Variants in THSD4 observed in about 807,000 individuals in gnomAD.
THSD4 encodes the protein thrombospondin type-1 domain-containing protein 4.
THSD4 carries 69 observed loss-of-function variants against 119.0 expected under a neutral mutation model. The observed-to-expected ratio is 0.58, with a 90% CI of 0.48 to 0.71. The LOEUF (loss-of-function observed/expected upper bound fraction) is 0.71. THSD4 is among the 30% of genes least tolerant of loss of function. The pLI, the probability that THSD4 is intolerant of heterozygous loss-of-function variation, is 0.00. For missense variants in THSD4, 1,393 were observed against 1,391.1 expected, an observed-to-expected ratio of 1.00 and a Z score of -0.02; for synonymous variants, 524 against 540.4, an observed-to-expected ratio of 0.97 and a Z score of 0.42.
At chr15:71,411,939 C>G in intron 7 of THSD4, 116 bp downstream of exon 7, 3 of 1,360,628 alleles carry the variant, frequency 2.2e-6, no homozygotes, top group South Asian at 2.7e-5. Flanking sequence ...GTCAGGGCCA[C>G]TCAACCATGC....
intron 17 of THSD4, among the ~76,000 whole-genome samples, chr15:71,772,754 A>T (rs1450213277): frequency 2.0e-5 from 3 of 152,206 alleles, no homozygotes; most frequent in Non-Finnish European, 2.9e-5. Flanking sequence ...TTTATAAAGG[A>T]AAGTTAAGTT....
At chr15:71,111,927 G>T (rs2040308087), upstream of THSD4, 1 of 588,842 alleles carries the variant, frequency 1.7e-6, no homozygotes, top group Admixed American at 3.3e-5. Context: ...ATACATTTGG[G>T]ACACTCTGCA....
chr15:71,608,396 A>G lies in THSD4; in HGVS notation c.1153-52134A>G, dbSNP rs1937792206. Among the ~76,000 whole-genome samples the G allele has an allele frequency of 2.6e-5, 4 of 152,156 alleles. No individual in the cohort carries two copies. In the South Asian group the frequency reaches 6.2e-4, roughly 24 times the overall value. On this transcript the variant is annotated intron_variant, in intron 7 of 17. Coordinates refer to ENST00000261862, the MANE Select transcript of THSD4 (RefSeq NM_024817.3). ...ATAAATTCTCTACCATCCTTTCATT[A>G]CTTAACATTATAAAAGGGATTTCCC... is the stretch of plus-strand genomic sequence containing the variant.
intron 3 of THSD4, among the ~76,000 whole-genome samples, chr15:71,171,649 G>T: frequency 6.6e-6 from 1 of 152,284 alleles, no homozygotes. Context: ...ATCTTTTAAA[G>T]ATTGACTCTT....
intron 6 of THSD4, among the ~76,000 whole-genome samples, chr15:71,409,026 G>A (rs2046646402): frequency 6.6e-6 from 1 of 152,178 alleles, no homozygotes. Context: ...GCAGATCGGA[G>A]AAGGTGGACC....
chr15:71,577,715 T>G lies in THSD4; in HGVS notation c.1153-82815T>G, dbSNP rs186106484. Among the ~76,000 whole-genome samples the G allele has an allele frequency of 2.9e-3, 409 of 140,558 alleles. 3 individuals carry two copies. Among genetic ancestry groups the G allele is most frequent in the African/African-American group, 0.01 (395 of 38,256 alleles). The allele number at this position is 140,558 out of a possible 152,430, so 92.2% of individuals were successfully genotyped here. ...ACTGGTGCAACCTTTATTTATTTAT[T>G]TTATTTTATTTTATTTTATTTTTGA... On this transcript the variant is annotated intron_variant, in intron 7 of 17. Coordinates refer to ENST00000261862, the MANE Select transcript of THSD4 (RefSeq NM_024817.3).
At chr15:71,551,713 C>T (rs1185236007) in intron 7 of THSD4, among the ~76,000 whole-genome samples, 1 of 152,078 alleles carries the variant, frequency 6.6e-6, no homozygotes, top group African/African-American at 2.4e-5. Flanking sequence ...GTTATGACAA[C>T]ACATGGGAAA....
chr15:71,278,430 C>G (rs185176371), intron 6 of THSD4, among the ~76,000 whole-genome samples: 4 of 152,180 alleles, frequency 2.6e-5, no homozygotes, highest in Admixed American at 2.6e-4. Context: ...AGCAATCCAC[C>G]TGCCTCAACC....
intron 6 of THSD4, among the ~76,000 whole-genome samples, chr15:71,362,894 A>G (rs955965699): frequency 6.6e-6 from 1 of 151,788 alleles, no homozygotes; most frequent in African/African-American, 2.4e-5. Context: ...GGGGTGTCTA[A>G]TCTTGGCTTC....
Position 71,780,546 on chromosome 15 carries a change from A to G in THSD4, c.*3172A>G, listed in dbSNP as rs774372850. Reference sequence around the variant, plus strand: ...AACAAACAAAAACACCAAAAGAAAAAAAAAAGCCATTTAAAGCCAGCCACT... The same window carrying G: ...AACAAACAAAAACACCAAAAGAAAAGAAAAAGCCATTTAAAGCCAGCCACT... On this transcript the variant is annotated 3_prime_UTR_variant, in exon 18 of 18. Transcript: ENST00000261862. 39 of 333,926 alleles carry G rather than the reference A, an allele frequency of 1.2e-4. No homozygotes were observed. Among genetic ancestry groups the G allele is most frequent in the Non-Finnish European group, 1.9e-4 (32 of 165,298 alleles). 20.7% of individuals were successfully genotyped at this position (333,926 alleles called of 1,614,324 possible).
At chr15:71,448,597 G>C (rs1289310234) in intron 7 of THSD4, among the ~76,000 whole-genome samples, 1 of 152,074 alleles carries the variant, frequency 6.6e-6, no homozygotes, top group Non-Finnish European at 1.5e-5. Context: ...GTATATTATG[G>C]GGTACATGAG....
intron 6 of THSD4, among the ~76,000 whole-genome samples, chr15:71,330,414 G>A (rs982701312): frequency 5.3e-5 from 8 of 152,180 alleles, no homozygotes; most frequent in Non-Finnish European, 1.2e-4. Context: ...ATGGGGAATT[G>A]TGTATCATCG....
intron 6 of THSD4, among the ~76,000 whole-genome samples, chr15:71,330,578 A>G (rs999137753): frequency 6.6e-6 from 1 of 152,130 alleles, no homozygotes; most frequent in Non-Finnish European, 1.5e-5. Context: ...TCAGCTTTCT[A>G]TAGTTACTAT....
In THSD4 at chr15:71,444,855, A is replaced by C. The variant is rs181894414; in HGVS notation, c.1152+33032A>C. 3.8e-3 allele frequency among the ~76,000 whole-genome samples: 574 copies of C among 152,146 alleles called. 1 individual carries two copies. The highest frequency in any genetic ancestry group is 6.8e-3 in the Middle Eastern group (2 of 294). ...CTTATTCTTTTTCAGGTGAGCTTTC[A>C]TTTTACCGTCAGAGGGATTCTAAAA... On this transcript the variant is annotated intron_variant, in intron 7 of 17. Transcript: ENST00000261862.
chr15:71,649,434 C>T (rs2051039670), intron 7 of THSD4, among the ~76,000 whole-genome samples: 1 of 152,110 alleles, frequency 6.6e-6, no homozygotes, highest in Non-Finnish European at 1.5e-5. Context: ...ACCAACATGC[C>T]TGGCTAATTT....
At chr15:71,241,218 A>G (rs1414909072) in intron 4 of THSD4, among the ~76,000 whole-genome samples, 1 of 152,240 alleles carries the variant, frequency 6.6e-6, no homozygotes, top group Non-Finnish European at 1.5e-5. Context: ...GAAGCATATA[A>G]TTTTAGAGTT....
chr15:71,602,379 C>T (rs1290836868), intron 7 of THSD4, among the ~76,000 whole-genome samples: 2 of 151,458 alleles, frequency 1.3e-5, no homozygotes, highest in Non-Finnish European at 2.9e-5. Context: ...CATGGAGAAA[C>T]CCCGTCTCTA....
chr15:71,533,691 T>G (rs879384669), intron 7 of THSD4, among the ~76,000 whole-genome samples: 5 of 152,164 alleles, frequency 3.3e-5, no homozygotes, highest in Non-Finnish European at 7.3e-5. Flanking sequence ...AGAGCAGGAC[T>G]CCCACCTGAC....
chr15:71,547,340 G>A lies in THSD4; in HGVS notation c.1153-113190G>A, dbSNP rs537372298. The A allele has an allele frequency of 2.4e-3, 3,770 of 1,544,204 alleles. 10 individuals are homozygous for A. Among genetic ancestry groups the A allele is most frequent in the Non-Finnish European group, 2.9e-3 (3,346 of 1,143,614 alleles). ...CCAGGGCTGGAATCCCGAGACACAA[G>A]TGCATCTGCTAGCTGTTAGCACTTG... On this transcript the variant is annotated intron_variant, in intron 7 of 17. Transcript: ENST00000261862.
Sources: gnomAD v4.1 joint callset for allele counts (sites outside exome capture counted in the v4.1 genomes callset) on GRCh38, gnomAD v4.1.1 for gene constraint, MANE v1.5 for transcripts, NCBI Gene and HGNC (gene_info 2026-07-23, HGNC 2026-07-21) for gene names.